The following DPH6 variants were observed in gnomAD, a reference collection of about 807,000 sequenced individuals.
DPH6 encodes diphthamine biosynthesis 6.
A neutral mutation model predicts 38.2 loss-of-function variants in DPH6; 33 were observed. That is an observed-to-expected ratio of 0.86 (90% CI 0.65 to 1.15). DPH6 has a LOEUF of 1.15. Ranked by LOEUF, DPH6 falls within the 50% of genes most tolerant of loss-of-function variation. DPH6 has a pLI of 0.00. For synonymous variants in DPH6, 108 were observed against 103.0 expected (o/e 1.05, Z -0.30); for missense variants, 325 against 320.0 (o/e 1.02, Z -0.12).
intron 3 of DPH6, among the ~76,000 whole-genome samples, chr15:35,342,206 C>T (rs2052427286): frequency 6.6e-6 from 1 of 152,180 alleles, no homozygotes; most frequent in Non-Finnish European, 1.5e-5. Context: ...ATCCCGGGAC[C>T]AGAATATGTA....
At chr15:35,304,732 T>TA (rs567963876) in intron 3 of DPH6, among the ~76,000 whole-genome samples, 4 of 149,278 alleles carry the variant, frequency 2.7e-5, no homozygotes, top group East Asian at 3.9e-4. Flanking sequence ...TGAGAAGAAA[T>TA]AAAAAAACAG....
the DPH6 span, among the ~76,000 whole-genome samples, chr15:35,165,791 T>C: frequency 3.3e-5 from 5 of 151,954 alleles, no homozygotes; most frequent in African/African-American, 1.2e-4. Flanking sequence ...TAGTATATAA[T>C]TCTGAACAAC....
At chr15:35,531,917 G>A (rs1047633641) in intron 3 of DPH6, among the ~76,000 whole-genome samples, 6 of 152,076 alleles carry the variant, frequency 3.9e-5, no homozygotes, top group Non-Finnish European at 7.4e-5. Flanking sequence ...TCACAATCTA[G>A]CAAAAGCGAC....
chr15:35,301,160 T>G (rs1009356188), intron 3 of DPH6, among the ~76,000 whole-genome samples: 1 of 152,328 alleles, frequency 6.6e-6, no homozygotes, highest in East Asian at 1.9e-4. Context: ...TAAAACCGTA[T>G]GTATTACTCA....
chr15:35,521,927 GA>G, intron 3 of DPH6: 1 of 1,417,354 alleles, frequency 7.1e-7, no homozygotes, highest in Non-Finnish European at 9.2e-7. Context: ...TGAATACATG[GA>G]AAGTTCATTT....
intron 4 of DPH6, among the ~76,000 whole-genome samples, chr15:35,452,670 A>T (rs1184165796): frequency 2.6e-5 from 4 of 152,194 alleles, no homozygotes; most frequent in Admixed American, 2.6e-4. Context: ...CCCTTTTAAA[A>T]TGTCTCAGAA....
At chr15:35,248,107 T>C (rs2051648256) in intron 3 of DPH6, among the ~76,000 whole-genome samples, 1 of 152,216 alleles carries the variant, frequency 6.6e-6, no homozygotes, top group African/African-American at 2.4e-5. Flanking sequence ...TATACGCTTT[T>C]GTTGAGGCTC....
chr15:35,451,837 C>T (rs1472454368), intron 4 of DPH6, among the ~76,000 whole-genome samples: 2 of 152,044 alleles, frequency 1.3e-5, no homozygotes, highest in South Asian at 4.2e-4. Context: ...GGTGAAACCC[C>T]GTCTCTACTA....
At chr15:35,529,921 C>T (rs115339262) in intron 3 of DPH6, among the ~76,000 whole-genome samples, 1 of 151,688 alleles carries the variant, frequency 6.6e-6, no homozygotes, top group Non-Finnish European at 1.5e-5. Flanking sequence ...AAAAAAAACA[C>T]TAAGTATTTA....
chr15:35,212,226 T>C, the DPH6 span, among the ~76,000 whole-genome samples: 5 of 152,186 alleles, frequency 3.3e-5, no homozygotes, highest in African/African-American at 4.8e-5. Flanking sequence ...GGACCACTTT[T>C]TTTTTTGGAG....
At chr15:35,180,565 A>G in the DPH6 span, among the ~76,000 whole-genome samples, 16 of 152,184 alleles carry the variant, frequency 1.1e-4, no homozygotes, top group East Asian at 2.7e-3. Flanking sequence ...GGCCCAAGCG[A>G]TCCTCCCACG....
chr15:35,445,863 T>C (rs1248277044), intron 5 of DPH6, among the ~76,000 whole-genome samples: 2 of 152,258 alleles, frequency 1.3e-5, no homozygotes, highest in Non-Finnish European at 2.9e-5. Context: ...TAAAATACTA[T>C]GTGATGCTAA....
At chr15:35,352,988 T>C (rs2052528618) in intron 3 of DPH6, among the ~76,000 whole-genome samples, 1 of 152,228 alleles carries the variant, frequency 6.6e-6, no homozygotes, top group Admixed American at 6.5e-5. Context: ...TGGTGTGAGA[T>C]GGTATCTCAT....
At chr15:35,211,607 C>T in the DPH6 span, among the ~76,000 whole-genome samples, 1 of 152,036 alleles carries the variant, frequency 6.6e-6, no homozygotes, top group Non-Finnish European at 1.5e-5. Flanking sequence ...TATATACATC[C>T]TCAAATTTGA....
intron 6 of DPH6, among the ~76,000 whole-genome samples, chr15:35,398,951 A>G (rs1183970418): frequency 6.6e-6 from 1 of 152,162 alleles, no homozygotes; most frequent in Non-Finnish European, 1.5e-5. Flanking sequence ...GCATAGAGAA[A>G]AAAATAAATA....
intron 3 of DPH6, among the ~76,000 whole-genome samples, chr15:35,508,378 A>G (rs1473111470): frequency 6.6e-6 from 1 of 152,116 alleles, no homozygotes; most frequent in East Asian, 1.9e-4. Context: ...TGCTCTAACG[A>G]TTTTCTTATA....
At chr15:35,242,277 C>T (rs1287766180) in intron 3 of DPH6, among the ~76,000 whole-genome samples, 1 of 143,072 alleles carries the variant, frequency 7.0e-6, no homozygotes, top group African/African-American at 2.5e-5. Context: ...AACCTCAATC[C>T]CTTACAAAAC....
chr15:35,372,806 G>A (rs2052730287), intron 8 of DPH6, among the ~76,000 whole-genome samples: 1 of 151,654 alleles, frequency 6.6e-6, no homozygotes, highest in South Asian at 2.1e-4. Context: ...TGTAACTGTG[G>A]GTGTGCCTCA....
At chr15:35,471,782 TG>T (rs1297130627) in intron 3 of DPH6, among the ~76,000 whole-genome samples, 1 of 152,104 alleles carries the variant, frequency 6.6e-6, no homozygotes, top group Non-Finnish European at 1.5e-5. Flanking sequence ...TTAAATCCTT[TG>T]TATCTCTTAC....
Sources: allele counts gnomAD v4.1 joint callset (sites outside exome capture counted in the v4.1 genomes callset), GRCh38; gene constraint gnomAD v4.1.1; transcripts MANE v1.5; gene names NCBI Gene and HGNC (gene_info 2026-07-23, HGNC 2026-07-21).